The following HDHD5 variants were observed in gnomAD, a reference collection of about 807,000 sequenced individuals.
HDHD5 encodes the protein haloacid dehalogenase like hydrolase domain containing 5, also known as haloacid dehalogenase-like hydrolase domain-containing 5.
In HDHD5, 34 loss-of-function variants were observed where a neutral mutation model predicts 35.5. The ratio of observed to expected loss-of-function variants is 0.96; its 90% CI spans 0.73 to 1.28. HDHD5 has a LOEUF of 1.28. Among genes scored for constraint, HDHD5 ranks in the 50% most tolerant of loss-of-function variants. The pLI, the probability that HDHD5 is intolerant of heterozygous loss-of-function variation, is 0.00. For synonymous variants in HDHD5, 248 were observed against 240.6 expected, an observed-to-expected ratio of 1.03 and a Z score of -0.29; for missense variants, 589 against 560.2, an observed-to-expected ratio of 1.05 and a Z score of -0.52.
intron 1 of HDHD5, among the ~76,000 whole-genome samples, chr22:17,151,367 G>T (rs1006416535): frequency 2.0e-5 from 3 of 152,044 alleles, no homozygotes; most frequent in Non-Finnish European, 4.4e-5. Context: ...TGCCAACTAG[G>T]TCAAGTCATT....
In HDHD5 at chr22:17,141,175, A is replaced by G. The variant is rs200238776; in HGVS notation, c.630T>C (p.Asp210=). Residue 210 remains aspartate (D), a synonymous_variant, in exon 6 of 8, where the codon GAT becomes GAC. Transcript: ENST00000336737. Reference sequence around the variant, plus strand: ...CAGGGCTCCCATTGCTGAGGAGGACATCCATGATCAGCTGCAGGCTGGTCT... The same window carrying G: ...CAGGGCTCCCATTGCTGAGGAGGACGTCCATGATCAGCTGCAGGCTGGTCT... ...RWETSLQLIM[D]VLLSNGSPGA... The G allele has an allele frequency of 3.1e-6, 5 of 1,597,870 alleles. No individual in the cohort carries two copies. Among genetic ancestry groups the G allele is most frequent in the Admixed American group, 3.5e-5 (2 of 57,648 alleles).
intron 3 of HDHD5, among the ~76,000 whole-genome samples, chr22:17,147,585 G>A (rs1161468227): frequency 6.7e-5 from 9 of 134,262 alleles, no homozygotes; most frequent in Middle Eastern, 4.8e-3. Context: ...CATCGCACAC[G>A]CCCCACACCT....
At chr22:17,160,936 C>T (rs2061859141), upstream of HDHD5, among the ~76,000 whole-genome samples, 2 of 120,880 alleles carry the variant, frequency 1.7e-5, no homozygotes, top group Non-Finnish European at 3.4e-5. Flanking sequence ...TTAAACATGC[C>T]CACAGTTTTT....
chr22:17,145,196 G>A, intron 3 of HDHD5, 79 bp from the exon 4 acceptor site: 1 of 1,582,706 alleles, frequency 6.3e-7, no homozygotes. Flanking sequence ...ACAAGTGAAG[G>A]GAACACAACC....
chr22:17,151,760 A>T (rs1345324617), intron 1 of HDHD5, among the ~76,000 whole-genome samples: 1 of 151,422 alleles, frequency 6.6e-6, no homozygotes, highest in East Asian at 1.9e-4. Flanking sequence ...AAAGAAGAAG[A>T]AAGAAAGAAG....
chr22:17,156,434 A>T (rs2061791743), intron 1 of HDHD5, among the ~76,000 whole-genome samples: 1 of 152,092 alleles, frequency 6.6e-6, no homozygotes, highest in South Asian at 2.1e-4. Context: ...AACATGGTGA[A>T]ACCCCATCTC....
Position 17,148,552 on chromosome 22 carries a change from T to G in HDHD5, c.339A>C (p.Ala113=). Residue 113 remains alanine (A), a synonymous_variant, in exon 3 of 8, where the codon GCA becomes GCC. Coordinates refer to ENST00000336737, the MANE Select transcript of HDHD5 (RefSeq NM_033070.3). The part of the protein sequence containing the change: ...LSALLGCEVD[A]DQVILSHSPM... ...GGCTGTGAGAGAGGATAACTTGGTCTGCATCCACCTGTAGGGACAGCCAAG... is the reference window on the plus strand; with the variant it reads ...GGCTGTGAGAGAGGATAACTTGGTCGGCATCCACCTGTAGGGACAGCCAAG... The G allele has an allele frequency of 5.6e-6, 9 of 1,613,560 alleles. No homozygotes were observed. The highest frequency in any genetic ancestry group is 6.8e-6 in the Non-Finnish European group (8 of 1,179,534).
chr22:17,152,979 C>G (rs1377043475), intron 1 of HDHD5, among the ~76,000 whole-genome samples: 3 of 151,914 alleles, frequency 2.0e-5, no homozygotes, highest in Non-Finnish European at 2.9e-5. Flanking sequence ...GGAAGCAACT[C>G]GAGCCAACAA....
In HDHD5 at chr22:17,138,709, A is replaced by C; in HGVS notation, c.776T>G (p.Leu259Arg). 1 of 1,614,216 alleles carries C rather than the reference A, an allele frequency of 6.2e-7. No individual in the cohort carries two copies. The highest frequency in any genetic ancestry group is 8.5e-7 in the Non-Finnish European group (1 of 1,180,038). Reference protein sequence around the residue: ...RFGHGTFLLCLETIYQKVTGK... With the variant: ...RFGHGTFLLCRETIYQKVTGK... ...CGTCACTTTCTGGTAAATGGTTTCC[A>C]GGCACAGCAGAAAGGTGCCATGTCC... Residue 259 changes from leucine to arginine, a missense_variant, in exon 7 of 8, where the codon CTG becomes CGG. Transcript: ENST00000336737.
At chr22:17,160,602 T>C (rs746317161), upstream of HDHD5, among the ~76,000 whole-genome samples, 7 of 150,962 alleles carry the variant, frequency 4.6e-5, no homozygotes, top group East Asian at 1.2e-3. Context: ...TGAGCCGAGA[T>C]TGCGCCAATG....
chr22:17,145,615 C>A (rs758323326), intron 3 of HDHD5, among the ~76,000 whole-genome samples: 12 of 152,082 alleles, frequency 7.9e-5, no homozygotes, highest in Non-Finnish European at 1.5e-4. Context: ...TCATTTGAGC[C>A]CAGGAGGTCA....
chr22:17,158,084 G>A (rs1480151756), intron 1 of HDHD5, among the ~76,000 whole-genome samples: 1 of 152,180 alleles, frequency 6.6e-6, no homozygotes, highest in Non-Finnish European at 1.5e-5. Flanking sequence ...ACTCTGGGAG[G>A]CCAAGATGTG....
intron 1 of HDHD5, 60 bp from the exon 2 acceptor site, chr22:17,149,805 G>A (rs2061706284): frequency 6.7e-7 from 1 of 1,494,676 alleles, no homozygotes; most frequent in Non-Finnish European, 9.3e-7. Context: ...CCCTTACAAA[G>A]AGAGGCTCAA....
upstream of HDHD5, among the ~76,000 whole-genome samples, chr22:17,162,318 G>A (rs904099912): frequency 6.6e-6 from 1 of 152,216 alleles, no homozygotes; most frequent in Non-Finnish European, 1.5e-5. Context: ...GTTGTTTTAA[G>A]TCATTACACT....
chr22:17,158,374 T>A (rs1182740606), intron 1 of HDHD5: 1 of 152,054 alleles, frequency 6.6e-6, no homozygotes, highest in Non-Finnish European at 1.5e-5. Flanking sequence ...ATATTACTTG[T>A]GCGTTTAGAA....
At chr22:17,159,068 C>A in intron 1 of HDHD5, 58 bp downstream of exon 1, 1 of 1,205,552 alleles carries the variant, frequency 8.3e-7, no homozygotes, top group East Asian at 3.4e-5. Flanking sequence ...CCGCGGCTCC[C>A]CGCCCCGCCT....
chr22:17,148,856 C>A (rs1415432363), intron 2 of HDHD5, among the ~76,000 whole-genome samples: 3 of 152,314 alleles, frequency 2.0e-5, no homozygotes, highest in Non-Finnish European at 2.9e-5. Flanking sequence ...CCCAAGCCCC[C>A]ACTTGGAAGC....
intron 4 of HDHD5, 110 bp downstream of exon 4, chr22:17,144,914 T>C (rs951258080): frequency 1.5e-5 from 20 of 1,320,626 alleles, no homozygotes; most frequent in Admixed American, 7.9e-5. Flanking sequence ...CAAAGAAGCA[T>C]GGACAAATCA....
upstream of HDHD5, among the ~76,000 whole-genome samples, chr22:17,162,984 G>C (rs185901574): frequency 4.6e-5 from 7 of 152,280 alleles, no homozygotes; most frequent in East Asian, 1.3e-3. Context: ...GTCATGTTAC[G>C]ACACAATCAC....
Sources: gnomAD v4.1 joint callset for allele counts (sites outside exome capture counted in the v4.1 genomes callset) on GRCh38, gnomAD v4.1.1 for gene constraint, MANE v1.5 for transcripts, NCBI Gene and HGNC (gene_info 2026-07-23, HGNC 2026-07-21) for gene names.